THSD7B: variants seen among roughly 807,000 people sequenced by gnomAD.
The protein encoded by THSD7B is thrombospondin type 1 domain containing 7B, also known as thrombospondin type-1 domain-containing protein 7B.
THSD7B carries 138 observed loss-of-function variants against 213.6 expected under a neutral mutation model. The ratio of observed to expected loss-of-function variants is 0.65; its 90% CI spans 0.56 to 0.74. The LOEUF is 0.74. THSD7B is among the 30% of genes least tolerant of loss of function. The pLI is 0.00. For missense variants in THSD7B, 1,931 were observed against 1,991.5 expected (o/e 0.97, Z 0.58); for synonymous variants, 742 against 687.0 (o/e 1.08, Z -1.25).
In THSD7B at chr2:137,541,482, T is replaced by C. The variant is rs186093378; in HGVS notation, c.3139-21739T>C. Reference sequence around the variant, plus strand: ...CATAGTGATGTTTTGATACATGTAATGTATAGTGATCAAATCAGGTTAATT... The same window carrying C: ...CATAGTGATGTTTTGATACATGTAACGTATAGTGATCAAATCAGGTTAATT... On this transcript the variant is annotated intron_variant, in intron 15 of 27. Transcript: ENST00000409968. Among the ~76,000 whole-genome samples the C allele has an allele frequency of 6.3e-3, 956 of 151,842 alleles. 6 individuals carry two copies. The highest frequency in any genetic ancestry group is 0.01 in the Non-Finnish European group (705 of 67,778).
At chr2:137,130,747 A>G (rs1247151745) in intron 5 of THSD7B, among the ~76,000 whole-genome samples, 1 of 143,740 alleles carries the variant, frequency 7.0e-6, no homozygotes, top group African/African-American at 2.5e-5. Flanking sequence ...CATGGTGTAT[A>G]TGTGCCCCAT....
chr2:137,365,184 C>G (rs1359612060), intron 12 of THSD7B, among the ~76,000 whole-genome samples: 1 of 152,134 alleles, frequency 6.6e-6, no homozygotes, highest in African/African-American at 2.4e-5. Flanking sequence ...AACTGGCTAG[C>G]CATATGAAGA....
At chr2:137,662,055 C>CTTT (rs1286348423) in intron 25 of THSD7B, among the ~76,000 whole-genome samples, 58 of 142,312 alleles carry the variant, frequency 4.1e-4, no homozygotes, top group African/African-American at 1.5e-3. Flanking sequence ...CAGGTGTTTT[C>CTTT]TTTTTTCTTT....
intron 15 of THSD7B, among the ~76,000 whole-genome samples, chr2:137,498,900 T>C (rs1679636690): frequency 6.6e-6 from 1 of 152,224 alleles, no homozygotes; most frequent in African/African-American, 2.4e-5. Context: ...ATGGAGACCT[T>C]TGGAAGATCA....
chr2:137,303,694 T>TTATATATATTTA (rs1163593492), intron 12 of THSD7B, among the ~76,000 whole-genome samples: 4 of 93,964 alleles, frequency 4.3e-5, no homozygotes, highest in East Asian at 4.7e-4. Flanking sequence ...TTATATATAT[T>TTATATATATTTA]TATATATATT....
At chr2:137,537,394 T>C (rs1249970363) in intron 15 of THSD7B, among the ~76,000 whole-genome samples, 3 of 151,878 alleles carry the variant, frequency 2.0e-5, no homozygotes, top group East Asian at 1.9e-4. Flanking sequence ...AATTAGGCTA[T>C]ATAATAATAT....
intron 6 of THSD7B, among the ~76,000 whole-genome samples, chr2:137,169,922 A>G (rs997869445): frequency 3.9e-5 from 6 of 152,216 alleles, no homozygotes; most frequent in South Asian, 4.1e-4. Context: ...CAGAGGGTTC[A>G]TGATCTCTAA....
chr2:137,036,946 C>T (rs1319016474), intron 2 of THSD7B, among the ~76,000 whole-genome samples: 1 of 152,220 alleles, frequency 6.6e-6, no homozygotes, highest in African/African-American at 2.4e-5. Context: ...CACCCCCCTT[C>T]TCTCTTCCTT....
chr2:136,795,690 C>T (rs1407509478), intron 1 of THSD7B, among the ~76,000 whole-genome samples: 3 of 151,722 alleles, frequency 2.0e-5, no homozygotes, highest in Non-Finnish European at 4.4e-5. Context: ...TACCATCTTG[C>T]CTTTATTTTC....
intron 2 of THSD7B, among the ~76,000 whole-genome samples, chr2:136,883,401 G>GC (rs1424321170): frequency 6.7e-6 from 1 of 150,218 alleles, no homozygotes; most frequent in Non-Finnish European, 1.5e-5. Context: ...TTGCATTAAA[G>GC]CCCCTATAAA....
intron 7 of THSD7B, among the ~76,000 whole-genome samples, chr2:137,219,315 T>A (rs1681316165): frequency 6.6e-6 from 1 of 152,154 alleles, no homozygotes; most frequent in South Asian, 2.1e-4. Context: ...TGCCTTAAAC[T>A]GTTCTGTTTC....
intron 7 of THSD7B, among the ~76,000 whole-genome samples, chr2:137,171,658 G>T (rs1680255122): frequency 6.6e-6 from 1 of 152,152 alleles, no homozygotes; most frequent in South Asian, 2.1e-4. Flanking sequence ...AATCAGCTCT[G>T]CCATGAGAAG....
intron 1 of THSD7B, among the ~76,000 whole-genome samples, chr2:136,832,273 CA>C (rs1434982301): frequency 6.6e-6 from 1 of 151,430 alleles, no homozygotes; most frequent in African/African-American, 2.4e-5. Context: ...TGAGAAGTCC[CA>C]TGATATGCCA....
intron 1 of THSD7B, among the ~76,000 whole-genome samples, chr2:136,776,172 A>T (rs893631524): frequency 1.3e-5 from 2 of 152,132 alleles, no homozygotes; most frequent in African/African-American, 4.8e-5. Context: ...AGGTGAGTAG[A>T]TTCAGCATGG....
At chr2:137,090,081 A>G (rs1426490311) in intron 3 of THSD7B, among the ~76,000 whole-genome samples, 5 of 151,962 alleles carry the variant, frequency 3.3e-5, no homozygotes, top group Admixed American at 2.6e-4. Flanking sequence ...CCAATAACCT[A>G]TGAAAATAAA....
intron 12 of THSD7B, among the ~76,000 whole-genome samples, chr2:137,302,221 G>T (rs1288084346): frequency 1.3e-5 from 2 of 152,204 alleles, no homozygotes; most frequent in Non-Finnish European, 2.9e-5. Flanking sequence ...TGGAGGGATT[G>T]TATGTAACTA....
intron 12 of THSD7B, among the ~76,000 whole-genome samples, chr2:137,311,166 C>G (rs1461275057): frequency 2.7e-5 from 4 of 150,742 alleles, no homozygotes; most frequent in Admixed American, 6.7e-5. Flanking sequence ...TTGTTTGTAT[C>G]CTCTTTTATT....
rs146043583 is a variant in THSD7B at position 137,016,515 on chromosome 2, C to T, written c.140-39905C>T. 8.8e-4 allele frequency among the ~76,000 whole-genome samples: 134 copies of T among 152,242 alleles called. 2 individuals are homozygous for T. The East Asian group carries it at 0.023, about 26-fold the overall frequency. On this transcript the variant is annotated intron_variant, in intron 2 of 27. Coordinates refer to ENST00000409968, the MANE Select transcript of THSD7B (RefSeq NM_001316349.2). ...TCTTACTGTGAAACCTACTTGCCACCGCACATGTCTTTCTGGGAAAACTGC... is the reference window on the plus strand; with the variant it reads ...TCTTACTGTGAAACCTACTTGCCACTGCACATGTCTTTCTGGGAAAACTGC...
intron 12 of THSD7B, among the ~76,000 whole-genome samples, chr2:137,360,452 T>C (rs750565056): frequency 5.9e-5 from 9 of 152,174 alleles, no homozygotes; most frequent in Non-Finnish European, 1.2e-4. Flanking sequence ...GGGATTTCCC[T>C]TTCCTAGCCA....
Sources: gnomAD v4.1 joint callset for allele counts (sites outside exome capture counted in the v4.1 genomes callset) on GRCh38, gnomAD v4.1.1 for gene constraint, MANE v1.5 for transcripts, NCBI Gene and HGNC (gene_info 2026-07-23, HGNC 2026-07-21) for gene names.